PRDM16: variants seen among roughly 807,000 people sequenced by gnomAD.
PRDM16 encodes histone-lysine N-methyltransferase PRDM16.
PRDM16 carries 23 observed loss-of-function variants against 110.6 expected under a neutral mutation model. The observed-to-expected ratio is 0.21, with a 90% CI of 0.15 to 0.29. PRDM16 has a LOEUF of 0.29. Among genes scored for constraint, PRDM16 ranks in the 10% least tolerant of loss-of-function variants. The pLI is 1.00. For synonymous variants in PRDM16, 799 were observed against 781.8 expected, an observed-to-expected ratio of 1.02 and a Z score of -0.37; for missense variants, 1,615 against 1,794.3, an observed-to-expected ratio of 0.90 and a Z score of 1.81.
intron 3 of PRDM16, among the ~76,000 whole-genome samples, chr1:3,272,635 G>T (rs1640485097): frequency 6.6e-6 from 1 of 152,244 alleles, no homozygotes; most frequent in Non-Finnish European, 1.5e-5. Flanking sequence ...CGGGTAACCT[G>T]TGTGTTGGCT....
In PRDM16 at chr1:3,093,797, C is replaced by T. The variant is rs1642329869; in HGVS notation, c.37+24501C>T. Among the ~76,000 whole-genome samples, 3 of 152,172 alleles carry T rather than the reference C, an allele frequency of 2.0e-5. No individual in the cohort carries two copies. The South Asian group carries it at 6.2e-4, about 32-fold the overall frequency. ...CCACTCCCACCTGGCTGTGGCTGAGCAATGCCCAATGTAGCCCAGCTCCGA... is the reference window on the plus strand; with the variant it reads ...CCACTCCCACCTGGCTGTGGCTGAGTAATGCCCAATGTAGCCCAGCTCCGA... On this transcript the variant is annotated intron_variant, in intron 1 of 16. Transcript: ENST00000270722.
In PRDM16 at chr1:3,245,142, T is replaced by A. The variant is rs1471197761; in HGVS notation, c.438+1005T>A. The stretch of plus-strand genomic sequence containing the variant: ...TGCTGAGTCAGTGCCTACCGAGTGC[T>A]GTTACAATTCTGTCAGAATTACAAC... On this transcript the variant is annotated intron_variant, in intron 3 of 16. Coordinates refer to ENST00000270722, the MANE Select transcript of PRDM16 (RefSeq NM_022114.4). The surrounding 1 kb of genome is among the most constrained non-coding windows in gnomAD (Gnocchi z 4.7). 6.6e-6 allele frequency among the ~76,000 whole-genome samples: 1 copy of A among 152,214 alleles called. No homozygotes were observed. Among genetic ancestry groups the A allele is most frequent in the Admixed American group, 6.5e-5 (1 of 15,284 alleles).
At chr1:3,302,514 A>AG (rs1641228462) in intron 3 of PRDM16, among the ~76,000 whole-genome samples, 1 of 151,814 alleles carries the variant, frequency 6.6e-6, no homozygotes, top group Admixed American at 6.6e-5. Context: ...TTGTTAAAAA[A>AG]AAAATGCAAT....
intron 1 of PRDM16, among the ~76,000 whole-genome samples, chr1:3,098,889 G>A (rs1028591448): frequency 6.6e-6 from 1 of 152,198 alleles, no homozygotes; most frequent in African/African-American, 2.4e-5. Flanking sequence ...TCCCAGCCAT[G>A]GTGCTGCCTC....
chr1:3,130,809 T>A (rs1281991900), intron 1 of PRDM16, among the ~76,000 whole-genome samples: 2 of 151,040 alleles, frequency 1.3e-5, no homozygotes, highest in East Asian at 1.9e-4. Context: ...TTTTTTTTTT[T>A]AATTTTTTAT....
intron 3 of PRDM16, among the ~76,000 whole-genome samples, chr1:3,348,614 C>G (rs1642412784): frequency 6.6e-6 from 1 of 152,240 alleles, no homozygotes; most frequent in Non-Finnish European, 1.5e-5. Context: ...GGGGGCTTCC[C>G]CGGAGCTTTG....
intron 1 of PRDM16, among the ~76,000 whole-genome samples, chr1:3,090,191 C>T (rs1274943111): frequency 2.0e-5 from 3 of 152,256 alleles, no homozygotes; most frequent in Non-Finnish European, 2.9e-5. Flanking sequence ...GCACCCCGAA[C>T]GCCACCACGG....
intron 1 of PRDM16, among the ~76,000 whole-genome samples, chr1:3,114,213 A>ACG (rs1234376508): frequency 2.2e-5 from 2 of 89,114 alleles, no homozygotes; most frequent in African/African-American, 1.1e-4. Context: ...GCACACACGC[A>ACG]CACGAACACA....
chr1:3,264,359 G>GGCTTGCAGGTCC (rs1640236990), intron 3 of PRDM16, among the ~76,000 whole-genome samples: 2 of 149,060 alleles, frequency 1.3e-5, no homozygotes, highest in Admixed American at 6.7e-5. Flanking sequence ...GTGTGGAGGG[G>GGCTTGCAGGTCC]CATCCGAGGA....
At chr1:3,144,756 GCT>G (rs1178718758) in intron 1 of PRDM16, among the ~76,000 whole-genome samples, 1 of 152,190 alleles carries the variant, frequency 6.6e-6, no homozygotes, top group East Asian at 1.9e-4. Context: ...CCAGTAAAGG[GCT>G]CTTTCTTTCC....
At chr1:3,101,278 TC>T (rs1209817410) in intron 1 of PRDM16, among the ~76,000 whole-genome samples, 1 of 152,134 alleles carries the variant, frequency 6.6e-6, no homozygotes, top group Non-Finnish European at 1.5e-5. Flanking sequence ...TCACCAGCCA[TC>T]GTGGGAAAAG....
chr1:3,317,780 A>G (rs976999068), intron 3 of PRDM16, among the ~76,000 whole-genome samples: 1 of 152,236 alleles, frequency 6.6e-6, no homozygotes, highest in Non-Finnish European at 1.5e-5. Flanking sequence ...CACATTTCTT[A>G]TAGGATTACT....
intron 3 of PRDM16, among the ~76,000 whole-genome samples, chr1:3,331,268 G>A (rs556792496): frequency 2.8e-4 from 42 of 151,866 alleles, no homozygotes; most frequent in East Asian, 2.0e-3. Flanking sequence ...TGGGGGGGGC[G>A]CATACTGGGA....
At chr1:3,211,852 G>A (rs571505089) in intron 2 of PRDM16, among the ~76,000 whole-genome samples, 4 of 152,250 alleles carry the variant, frequency 2.6e-5, no homozygotes, top group African/African-American at 4.8e-5. Flanking sequence ...CACGCCTGGC[G>A]GCCTGGGCCC....
rs772689095 is a variant in PRDM16, at chr1:3,412,232, G to C, written c.2035G>C (p.Asp679His). 1.2e-6 allele frequency: 2 copies of C among 1,608,628 alleles called. No homozygotes were observed. Among genetic ancestry groups the C allele is most frequent in the Admixed American group, 1.7e-5 (1 of 59,940 alleles). ...CCAGCACTCATTCTTCCCGCCACCC[G>C]ACGAGCAGCTGCTGACTGCAACGGG... ...YSQHSFFPPP[D>H]EQLLTATGAA... Residue 679 changes from aspartate (D) to histidine (H), a missense_variant, in exon 9 of 17, where the codon GAC becomes CAC. By Grantham distance (81) the Asp-to-His change is moderately conservative. This residue lies in a region of PRDM16 where 772 missense variants were observed against 748.3 expected (regional missense o/e 1.03). Coordinates refer to ENST00000270722, the MANE Select transcript of PRDM16 (RefSeq NM_022114.4).
rs74050362 is a variant in PRDM16 at position 3,370,160 on chromosome 1, A to G, written c.439-14992A>G. On this transcript the variant is annotated intron_variant, in intron 3 of 16. Transcript: ENST00000270722. The surrounding 1 kb of genome is among the most constrained non-coding windows in gnomAD (Gnocchi z 4.8). Reference sequence around the variant, plus strand: ...CCAGGGCCCAAAGGGTGCTGAGATGAACAAACCCACCGTGGCCTCTGCTTT... The same window carrying G: ...CCAGGGCCCAAAGGGTGCTGAGATGGACAAACCCACCGTGGCCTCTGCTTT... 0.029 allele frequency among the ~76,000 whole-genome samples: 4,360 copies of G among 152,174 alleles called. 188 individuals are homozygous for G. The highest frequency in any genetic ancestry group is 0.095 in the African/African-American group (3,957 of 41,486).
At position 3,086,979 on chromosome 1, in the gene PRDM16, G is replaced by GA. The variant is rs199845966; in HGVS notation, c.37+17690dup. Among the ~76,000 whole-genome samples the GA allele has an allele frequency of 7.6e-3, 1,154 of 152,152 alleles. 11 individuals are homozygous for GA. The highest frequency in any genetic ancestry group is 0.017 in the Middle Eastern group (5 of 294). ...GAAAAAGAAAAGAAGGAGTGAAAAGGAAAAAAAGGAAACAGAAAGCCTGAA... is the reference window on the plus strand; with the variant it reads ...GAAAAAGAAAAGAAGGAGTGAAAAGGAAAAAAAAGGAAACAGAAAGCCTGAA... On this transcript the variant is annotated intron_variant, in intron 1 of 16. Transcript: ENST00000270722.
intron 3 of PRDM16, among the ~76,000 whole-genome samples, chr1:3,303,529 A>C (rs1453129612): frequency 1.3e-5 from 2 of 152,186 alleles, no homozygotes; most frequent in Non-Finnish European, 1.5e-5. Context: ...TGACCGTCCC[A>C]AGACAAGTGT....
chr1:3,098,252 C>T (rs1451661788), intron 1 of PRDM16, among the ~76,000 whole-genome samples: 1 of 152,160 alleles, frequency 6.6e-6, no homozygotes, highest in African/African-American at 2.4e-5. Context: ...AAATCCTTCT[C>T]CCGGGCTGCA....
Sources: allele counts gnomAD v4.1 joint callset (sites outside exome capture counted in the v4.1 genomes callset), GRCh38; gene constraint gnomAD v4.1.1; regional missense constraint gnomAD v4.1.1; non-coding constraint Gnocchi (gnomAD v3.1); transcripts MANE v1.5; gene names NCBI Gene and HGNC (gene_info 2026-07-23, HGNC 2026-07-21).